The following OPRM1 variants were observed in gnomAD, a reference collection of about 807,000 sequenced individuals.
OPRM1 encodes mu-type opioid receptor.
In OPRM1, 27 loss-of-function variants were observed where a neutral mutation model predicts 31.8. The ratio of observed to expected loss-of-function variants is 0.85; its 90% confidence interval spans 0.63 to 1.17. OPRM1 has a LOEUF of 1.17. Among genes scored for constraint, OPRM1 ranks in the 50% most tolerant of loss-of-function variants. OPRM1 has a pLI of 0.00. For missense variants in OPRM1, 536 were observed against 511.1 expected (o/e 1.05, Z -0.47); for synonymous variants, 196 against 189.9 (o/e 1.03, Z -0.26).
At chr6:154,031,656 G>A (rs528221329) in intron 1 of OPRM1, among the ~76,000 whole-genome samples, 4 of 152,254 alleles carry the variant, frequency 2.6e-5, no homozygotes, top group East Asian at 1.9e-4. Context: ...CAAGAGAATC[G>A]CTTGAACTTG....
chr6:154,225,461 C>T (rs549438201), intron 3 of OPRM1, among the ~76,000 whole-genome samples: 2 of 152,254 alleles, frequency 1.3e-5, no homozygotes, highest in South Asian at 2.1e-4. Context: ...ATCTTGAAAA[C>T]CTTGTGTTAA....
intron 3 of OPRM1, among the ~76,000 whole-genome samples, chr6:154,139,834 G>A (rs1207726393): frequency 1.3e-5 from 2 of 152,080 alleles, no homozygotes; most frequent in Admixed American, 6.6e-5. Context: ...CTTCTCCACG[G>A]TATATGAAAT....
In OPRM1 at chr6:154,090,042, T is replaced by G. The variant is rs1791692517; in HGVS notation, c.507T>G (p.Ile169Met). The change falls in exon 2 of 4, where the codon ATT (isoleucine) becomes ATG (methionine). Residue 169 changes from isoleucine (I) to methionine (M), a missense_variant. By Grantham distance (10) the Ile-to-Met change is conservative. Transcript: ENST00000330432. The part of the protein sequence containing the change: ...TLCTMSVDRY[I>M]AVCHPVKALD... ...GCACCATGAGTGTTGATCGATACAT[T>G]GCAGTCTGCCACCCTGTCAAGGCCT... The G allele has an allele frequency of 6.2e-7, 1 of 1,613,972 alleles. No homozygotes were observed. The highest frequency in any genetic ancestry group is 8.5e-7 in the Non-Finnish European group (1 of 1,179,948).
intron 3 of OPRM1, among the ~76,000 whole-genome samples, chr6:154,193,870 T>C (rs1255120653): frequency 6.6e-6 from 1 of 152,216 alleles, no homozygotes; most frequent in Non-Finnish European, 1.5e-5. Flanking sequence ...CCATACTCTA[T>C]ACAGACAAAA....
chr6:154,226,272 A>G (rs1385396461), intron 3 of OPRM1, among the ~76,000 whole-genome samples: 1 of 152,096 alleles, frequency 6.6e-6, no homozygotes, highest in Non-Finnish European at 1.5e-5. Context: ...CATATCTCAA[A>G]CTGGGATTCA....
At chr6:154,150,498 G>T (rs1798470985) in intron 3 of OPRM1, among the ~76,000 whole-genome samples, 1 of 152,210 alleles carries the variant, frequency 6.6e-6, no homozygotes, top group African/African-American at 2.4e-5. Context: ...TAGGGAAATT[G>T]GGAGTGAGCC....
chr6:154,072,095 A>G (rs916877945), intron 1 of OPRM1, among the ~76,000 whole-genome samples: 1 of 152,180 alleles, frequency 6.6e-6, no homozygotes, highest in Non-Finnish European at 1.5e-5. Context: ...TTCTTTGGCA[A>G]TAGGAGAGGG....
intron 3 of OPRM1, among the ~76,000 whole-genome samples, chr6:154,097,585 C>T (rs1179618569): frequency 1.0e-5 from 1 of 96,004 alleles, no homozygotes; most frequent in Non-Finnish European, 2.0e-5. Flanking sequence ...GAAAATGGTT[C>T]CGTGTGTGTG....
At chr6:154,111,613 G>A (rs756913916) in intron 3 of OPRM1, among the ~76,000 whole-genome samples, 5 of 152,138 alleles carry the variant, frequency 3.3e-5, no homozygotes, top group Admixed American at 6.6e-5. Flanking sequence ...CAACCTTTGC[G>A]TGGATAAAGA....
intron 3 of OPRM1, among the ~76,000 whole-genome samples, chr6:154,116,006 A>G (rs867720537): frequency 6.6e-5 from 10 of 151,980 alleles, no homozygotes; most frequent in Admixed American, 2.6e-4. Flanking sequence ...TTTGTTTTGG[A>G]TTGCAGAGAC....
chr6:154,186,713 C>T (rs185676431), intron 3 of OPRM1, among the ~76,000 whole-genome samples: 2,237 of 152,132 alleles, frequency 0.015, 67 homozygotes, highest in African/African-American at 0.051. Flanking sequence ...CCCGCCATCA[C>T]GCCTGGCTAA....
chr6:154,100,190 TATC>T (rs1386206420), intron 3 of OPRM1, among the ~76,000 whole-genome samples: 1,466 of 130,758 alleles, frequency 0.011, 184 homozygotes, highest in Non-Finnish European at 0.018. Flanking sequence ...TATTATGACA[TATC>T]ATAATATATA....
At chr6:154,019,432 T>C (rs2128380238) in intron 1 of OPRM1, among the ~76,000 whole-genome samples, 1 of 152,204 alleles carries the variant, frequency 6.6e-6, no homozygotes, top group East Asian at 1.9e-4. Context: ...TACATTAGAG[T>C]TCACTTTTGG....
intron 3 of OPRM1, among the ~76,000 whole-genome samples, chr6:154,233,373 C>A (rs1177477142): frequency 6.6e-6 from 1 of 152,048 alleles, no homozygotes. Flanking sequence ...AATAATAATA[C>A]TAGTAAACTT....
intron 1 of OPRM1, among the ~76,000 whole-genome samples, chr6:154,044,359 A>G (rs1780681535): frequency 6.6e-6 from 1 of 152,172 alleles, no homozygotes; most frequent in Non-Finnish European, 1.5e-5. Flanking sequence ...GTACCATATC[A>G]TATGTTTAAG....
At chr6:154,011,077 A>G in intron 1 of OPRM1, 6 of 1,272,718 alleles carry the variant, frequency 4.7e-6, no homozygotes, top group East Asian at 5.6e-5. Context: ...TTGCTGGAAG[A>G]GGAGGAGTAA....
intron 3 of OPRM1, chr6:154,159,709 G>A: frequency 1.4e-6 from 1 of 738,194 alleles, no homozygotes; most frequent in Non-Finnish European, 2.3e-6. Context: ...CTTTAGATGG[G>A]AAGCTGATGC....
At position 154,039,485 on chromosome 6, in the gene OPRM1, C is replaced by G. The variant is rs199894805; in HGVS notation, c.-60C>G. On this transcript the variant is annotated 5_prime_UTR_variant, in exon 1 of 4. Transcript: ENST00000330432. ...GGAAGCGGCTGAGGCGCTTGGAACC[C>G]GAAAAGTCTCGGTGCTCCTGGCTAC... is the stretch of plus-strand genomic sequence containing the variant. 3.1e-5 allele frequency: 48 copies of G among 1,562,520 alleles called. 1 individual carries two copies. In the African/African-American group the frequency reaches 4.1e-4, roughly 13 times the overall value.
At chr6:154,026,087 A>T (rs1778679249) in intron 1 of OPRM1, among the ~76,000 whole-genome samples, 1 of 151,950 alleles carries the variant, frequency 6.6e-6, no homozygotes, top group African/African-American at 2.4e-5. Flanking sequence ...TTTCTTACTG[A>T]TTGAAGTACT....
Sources: allele counts gnomAD v4.1 joint callset (sites outside exome capture counted in the v4.1 genomes callset), GRCh38; gene constraint gnomAD v4.1.1; transcripts MANE v1.5; gene names NCBI Gene and HGNC (gene_info 2026-07-23, HGNC 2026-07-21).